Variants in ANKS1B observed in about 807,000 individuals in gnomAD.
ANKS1B encodes ankyrin repeat and sterile alpha motif domain-containing protein 1B.
A neutral mutation model predicts 148.3 loss-of-function variants in ANKS1B; 36 were observed. The ratio of observed to expected loss-of-function variants is 0.24; its 90% CI spans 0.19 to 0.32. The LOEUF (loss-of-function observed/expected upper bound fraction) is 0.32. Among genes scored for constraint, ANKS1B ranks in the 10% least tolerant of loss-of-function variants. The probability of loss-of-function intolerance (pLI) is 1.00; values close to 1 mark genes in which losing one functional copy is unlikely to be tolerated. For synonymous variants in ANKS1B, 542 were observed against 560.8 expected (o/e 0.97, Z 0.47); for missense variants, 1,157 against 1,542.6 (o/e 0.75, Z 4.19).
At chr12:99,617,941 T>C (rs1282012221) in intron 9 of ANKS1B, among the ~76,000 whole-genome samples, 1 of 152,150 alleles carries the variant, frequency 6.6e-6, no homozygotes, top group African/African-American at 2.4e-5. Flanking sequence ...AATCCTCCAA[T>C]AGCCTCTCTT....
In ANKS1B at chr12:99,084,959, T is replaced by C; in HGVS notation, c.2591A>G (p.Gln864Arg). The C allele has an allele frequency of 3.1e-6, 5 of 1,611,062 alleles. No individual in the cohort carries two copies. Among genetic ancestry groups the C allele is most frequent in the Non-Finnish European group, 4.2e-6 (5 of 1,178,622 alleles). Residue 864 changes from glutamine (Q) to arginine (R), a missense_variant, in exon 16 of 27, where the codon CAA (glutamine) becomes CGA (arginine). Coordinates refer to ENST00000683438, the MANE Select transcript of ANKS1B (RefSeq NM_001352186.2). ...GAGCTGGATTGCCTGTAGAATTCTT[T>C]GTCTGTGCCCAGAATTAAGGATTCC... ...EIGILNSGHR[Q>R]RILQAIQLLP...
intron 8 of ANKS1B, among the ~76,000 whole-genome samples, chr12:99,756,693 C>T (rs10745869): frequency 0.44 from 66,396 of 151,798 alleles, 14,917 homozygotes; most frequent in South Asian, 0.61. Flanking sequence ...GGGGCTACAG[C>T]AACCAAAACA....
chr12:99,696,266 T>C (rs1457191971), intron 8 of ANKS1B, among the ~76,000 whole-genome samples: 2 of 152,180 alleles, frequency 1.3e-5, no homozygotes, highest in Non-Finnish European at 2.9e-5. Context: ...TAGAGTCATT[T>C]TATGGAGTCT....
intron 8 of ANKS1B, among the ~76,000 whole-genome samples, chr12:99,717,637 ATCT>A (rs777353394): frequency 1.3e-5 from 2 of 152,234 alleles, no homozygotes; most frequent in East Asian, 3.9e-4. Context: ...TCCTTCCCAG[ATCT>A]TCTCGGCTTA....
At chr12:99,383,327 G>A (rs1566996327) in intron 12 of ANKS1B, among the ~76,000 whole-genome samples, 1 of 152,178 alleles carries the variant, frequency 6.6e-6, no homozygotes, top group Non-Finnish European at 1.5e-5. Context: ...CTGTGGTTAG[G>A]CTTATTTATG....
At chr12:99,423,100 G>A (rs1198126744) in intron 11 of ANKS1B, among the ~76,000 whole-genome samples, 1 of 152,166 alleles carries the variant, frequency 6.6e-6, no homozygotes, top group Non-Finnish European at 1.5e-5. Context: ...TATCTGTGAA[G>A]AGTAAAATTC....
At position 98,859,864 on chromosome 12, in the gene ANKS1B, A is replaced by G. The variant is rs150965556; in HGVS notation, c.2779-27728T>C. Among the ~76,000 whole-genome samples, 1,383 of 152,302 alleles carry G rather than the reference A, an allele frequency of 9.1e-3. 26 individuals are homozygous for G. Among genetic ancestry groups the G allele is most frequent in the African/African-American group, 0.032 (1,328 of 41,552 alleles). On this transcript the variant is annotated intron_variant, in intron 17 of 26. Transcript: ENST00000683438. Reference sequence around the variant, plus strand: ...GTCTTGCTCATATTTGAGTCAATACACTGATGTCTTGACTTGCGAAAAAAT... The same window carrying G: ...GTCTTGCTCATATTTGAGTCAATACGCTGATGTCTTGACTTGCGAAAAAAT...
Position 98,745,459 on chromosome 12 carries a change from G to C in ANKS1B, c.*280C>G. 2.8e-6 allele frequency: 3 copies of C among 1,060,562 alleles called. No homozygotes were observed. The highest frequency in any genetic ancestry group is 3.4e-6 in the Non-Finnish European group (3 of 881,162). 65.7% of individuals were successfully genotyped at this position (1,060,562 alleles called of 1,614,324 possible). On this transcript the variant is annotated 3_prime_UTR_variant, in exon 27 of 27. Transcript: ENST00000683438. ...AGCAAGTACTGGGGCGGAGTCATCA[G>C]AAATACCTTGGGAGGTGGTGGGGAG...
chr12:98,881,880 T>C (rs1596166217), intron 17 of ANKS1B, among the ~76,000 whole-genome samples: 1 of 152,120 alleles, frequency 6.6e-6, no homozygotes, highest in East Asian at 1.9e-4. Flanking sequence ...GGTAAATTAA[T>C]ATGGAATAAG....
intron 10 of ANKS1B, among the ~76,000 whole-genome samples, chr12:99,467,494 A>C (rs1473362179): frequency 6.6e-6 from 1 of 152,230 alleles, no homozygotes; most frequent in Non-Finnish European, 1.5e-5. Context: ...AGAGGAAGTC[A>C]AATTGTCCCT....
chr12:99,832,359 G>A (rs540183935), intron 1 of ANKS1B, among the ~76,000 whole-genome samples: 2 of 152,092 alleles, frequency 1.3e-5, no homozygotes, highest in East Asian at 1.9e-4. Context: ...TGGCTGAGGC[G>A]GGCGGATCAC....
chr12:98,963,332 C>A (rs934353760), intron 17 of ANKS1B, among the ~76,000 whole-genome samples: 1 of 151,950 alleles, frequency 6.6e-6, no homozygotes, highest in Admixed American at 6.6e-5. Context: ...GGTGTGCCAA[C>A]ATGCCTGGCT....
intron 1 of ANKS1B, among the ~76,000 whole-genome samples, chr12:99,859,220 A>G (rs1201431006): frequency 6.6e-6 from 1 of 152,224 alleles, no homozygotes; most frequent in Non-Finnish European, 1.5e-5. Context: ...TTAATCAGTT[A>G]GTCTTATTGT....
chr12:98,779,576 G>C (rs1191738868), intron 24 of ANKS1B, among the ~76,000 whole-genome samples: 1 of 152,138 alleles, frequency 6.6e-6, no homozygotes, highest in Non-Finnish European at 1.5e-5. Context: ...AAATGGGATA[G>C]AGGGAGTTGT....
chr12:99,116,684 CT>C lies in ANKS1B; in HGVS notation c.2527-31662del, dbSNP rs375767471. Among the ~76,000 whole-genome samples the C allele has an allele frequency of 4.0e-3, 602 of 151,744 alleles. 25 individuals are homozygous for C. The East Asian group carries it at 0.085, about 21-fold the overall frequency. ...TATGAGTGTCTTGGCTATATGGGCTCTTTTTTTTGTTCCATATGAAATTTAA... is the reference window on the plus strand; with the variant it reads ...TATGAGTGTCTTGGCTATATGGGCTCTTTTTTTGTTCCATATGAAATTTAA... On this transcript the variant is annotated intron_variant, in intron 15 of 26. Transcript: ENST00000683438.
At chr12:99,399,533 A>G in intron 12 of ANKS1B, 98 bp downstream of exon 12, 1 of 1,312,134 alleles carries the variant, frequency 7.6e-7, no homozygotes, top group Non-Finnish European at 1.1e-6. Flanking sequence ...AACTAAAAAC[A>G]CAATGCAATT....
intron 10 of ANKS1B, among the ~76,000 whole-genome samples, chr12:99,461,652 A>C (rs1595238518): frequency 1.3e-5 from 2 of 152,284 alleles, no homozygotes; most frequent in Middle Eastern, 3.4e-3. Context: ...TATTTATCAG[A>C]GAATTAGCAT....
chr12:99,884,149 G>A (rs1012514293), intron 1 of ANKS1B, among the ~76,000 whole-genome samples: 3 of 151,998 alleles, frequency 2.0e-5, no homozygotes, highest in Non-Finnish European at 4.4e-5. Flanking sequence ...TAGTAAATAA[G>A]TACATGAAAA....
intron 20 of ANKS1B, among the ~76,000 whole-genome samples, chr12:98,804,112 T>A (rs1219593733): frequency 6.6e-6 from 1 of 152,214 alleles, no homozygotes; most frequent in East Asian, 1.9e-4. Context: ...TTGCTTTGAA[T>A]TCAGAGTGAT....
Sources: allele counts gnomAD v4.1 joint callset (sites outside exome capture counted in the v4.1 genomes callset), GRCh38; gene constraint gnomAD v4.1.1; transcripts MANE v1.5; gene names NCBI Gene and HGNC (gene_info 2026-07-23, HGNC 2026-07-21).